Variants in ADAMTS19 observed in about 807,000 individuals in gnomAD.
The protein encoded by ADAMTS19 is A disintegrin and metalloproteinase with thrombospondin motifs 19.
ADAMTS19 carries 93 observed loss-of-function variants against 153.3 expected under a neutral mutation model. The observed-to-expected ratio is 0.61, with a 90% confidence interval of 0.51 to 0.72. The LOEUF (loss-of-function observed/expected upper bound fraction) is 0.72, where lower values mean the gene tolerates loss of function less well. Ranked by LOEUF, ADAMTS19 falls within the 30% of genes least tolerant of loss-of-function variation. ADAMTS19 has a pLI of 0.00. For synonymous variants in ADAMTS19, 600 were observed against 556.6 expected (o/e 1.08, Z -1.10); for missense variants, 1,482 against 1,552.1 (o/e 0.95, Z 0.76).
intron 2 of ADAMTS19, among the ~76,000 whole-genome samples, chr5:129,506,384 C>T (rs1165533163): frequency 6.6e-6 from 1 of 151,890 alleles, no homozygotes; most frequent in African/African-American, 2.4e-5. Flanking sequence ...ATTATTCCAA[C>T]TTGTTTTTTC....
intron 21 of ADAMTS19, among the ~76,000 whole-genome samples, chr5:129,719,436 T>G: frequency 6.6e-6 from 1 of 152,210 alleles, no homozygotes. Context: ...AAACAGTACT[T>G]ATATGACTTT....
chr5:129,700,233 G>A (rs1355997250), intron 19 of ADAMTS19, among the ~76,000 whole-genome samples: 1 of 152,172 alleles, frequency 6.6e-6, no homozygotes, highest in Non-Finnish European at 1.5e-5. Context: ...AAATACGTAT[G>A]TATTAGCTGC....
chr5:129,627,951 GTAT>G (rs1752126809), intron 10 of ADAMTS19, among the ~76,000 whole-genome samples: 1 of 151,968 alleles, frequency 6.6e-6, no homozygotes, highest in Admixed American at 6.6e-5. Flanking sequence ...CCATTACTGA[GTAT>G]ATACCCAAAG....
chr5:129,503,759 C>T (rs1581014946), intron 2 of ADAMTS19, among the ~76,000 whole-genome samples: 1 of 151,812 alleles, frequency 6.6e-6, no homozygotes, highest in Non-Finnish European at 1.5e-5. Context: ...ACCCAGGAGG[C>T]GGAGGTTCCA....
intron 2 of ADAMTS19, among the ~76,000 whole-genome samples, chr5:129,487,554 C>T (rs1162766586): frequency 2.0e-5 from 3 of 151,910 alleles, no homozygotes; most frequent in African/African-American, 7.3e-5. Flanking sequence ...ATATAATCCA[C>T]TTGTAAATAT....
chr5:129,611,013 T>C (rs1193752146), intron 8 of ADAMTS19, among the ~76,000 whole-genome samples: 2 of 152,156 alleles, frequency 1.3e-5, no homozygotes, highest in Non-Finnish European at 2.9e-5. Context: ...CTCATTGTGG[T>C]TTTGATTTGC....
rs1751579515 is a variant in ADAMTS19, at chr5:129,515,688, G to A, written c.913+6446G>A. ...TTATCTGTTTTAATAGTTTTCTTGTGGAGTCATTAGGTTTTTCCAAATATA... is the reference window on the plus strand; with the variant it reads ...TTATCTGTTTTAATAGTTTTCTTGTAGAGTCATTAGGTTTTTCCAAATATA... On this transcript the variant is annotated intron_variant, in intron 3 of 22. Coordinates refer to ENST00000274487, the MANE Select transcript of ADAMTS19 (RefSeq NM_133638.6). Among the ~76,000 whole-genome samples the A allele has an allele frequency of 2.0e-5, 3 of 151,910 alleles. No homozygotes were observed. In the South Asian group the frequency reaches 6.2e-4, roughly 32 times the overall value.
At chr5:129,538,497 T>C (rs180722649) in intron 6 of ADAMTS19, among the ~76,000 whole-genome samples, 1 of 152,240 alleles carries the variant, frequency 6.6e-6, no homozygotes, top group East Asian at 1.9e-4. Context: ...ACCTTAAAAC[T>C]AGCATGTTGA....
At chr5:129,527,627 TTTTTTTA>T in intron 4 of ADAMTS19, 114 bp from the exon 5 acceptor site, 2 of 297,380 alleles carry the variant, frequency 6.7e-6, no homozygotes, top group Non-Finnish European at 6.3e-6. Context: ...TTTTTTTTTT[TTTTTTTA>T]AAAAAAAAAA....
At chr5:129,653,866 GT>G (rs1753423763) in intron 13 of ADAMTS19, among the ~76,000 whole-genome samples, 2 of 151,990 alleles carry the variant, frequency 1.3e-5, no homozygotes, top group South Asian at 4.2e-4. Flanking sequence ...AAATTTAGAA[GT>G]AAGACATCAA....
chr5:129,611,594 G>A (rs1289195561), intron 8 of ADAMTS19, among the ~76,000 whole-genome samples: 1 of 152,080 alleles, frequency 6.6e-6, no homozygotes, highest in Non-Finnish European at 1.5e-5. Flanking sequence ...AGATCAGATG[G>A]TTGTAGATGT....
At chr5:129,507,628 C>T (rs967032660) in intron 2 of ADAMTS19, among the ~76,000 whole-genome samples, 7 of 151,126 alleles carry the variant, frequency 4.6e-5, no homozygotes, top group Non-Finnish European at 8.9e-5. Flanking sequence ...TCTTAATTAT[C>T]CCTACCCCTG....
intron 7 of ADAMTS19, among the ~76,000 whole-genome samples, chr5:129,589,108 T>A (rs1203498558): frequency 2.0e-5 from 3 of 151,974 alleles, no homozygotes; most frequent in Admixed American, 6.6e-5. Context: ...AGTTTAGATT[T>A]GTTCATGTTT....
intron 16 of ADAMTS19, 44 bp from the exon 17 acceptor site, chr5:129,679,720 A>T: frequency 6.9e-7 from 1 of 1,452,126 alleles, no homozygotes; most frequent in Non-Finnish European, 9.3e-7. Context: ...TGATCAATGA[A>T]GCTGACTTGT....
intron 7 of ADAMTS19, among the ~76,000 whole-genome samples, chr5:129,580,624 TGAGA>T (rs1237652190): frequency 1.3e-5 from 2 of 152,216 alleles, no homozygotes; most frequent in Non-Finnish European, 2.9e-5. Context: ...CCTAGTTTAT[TGAGA>T]ATTTTCAGCA....
At position 129,495,289 on chromosome 5, in the gene ADAMTS19, A is replaced by G. The variant is rs540361225; in HGVS notation, c.748-13788A>G. ...CTTATTTCAACGCATTCTTCATTCCAGAGACATTTTTCATTCAACATTCAT... is the reference window on the plus strand; with the variant it reads ...CTTATTTCAACGCATTCTTCATTCCGGAGACATTTTTCATTCAACATTCAT... On this transcript the variant is annotated intron_variant, in intron 2 of 22. Transcript: ENST00000274487. 3.5e-4 allele frequency among the ~76,000 whole-genome samples: 53 copies of G among 152,194 alleles called. 1 individual carries two copies. The South Asian group carries it at 0.011, about 32-fold the overall frequency.
At chr5:129,658,884 A>C in intron 15 of ADAMTS19, 147 bp downstream of exon 15, 1 of 918,752 alleles carries the variant, frequency 1.1e-6, no homozygotes, top group South Asian at 2.3e-5. Context: ...GACATACAAT[A>C]CATGTGATAT....
At chr5:129,572,288 A>G (rs899855238) in intron 7 of ADAMTS19, among the ~76,000 whole-genome samples, 6 of 151,986 alleles carry the variant, frequency 3.9e-5, no homozygotes, top group Non-Finnish European at 8.8e-5. Context: ...ACATTAAGAA[A>G]TCAAACAACT....
rs758974159 is a variant in ADAMTS19 at position 129,596,665 on chromosome 5, G to A, written c.1478+1G>A. Reference sequence around the variant, plus strand: ...CAATTGCTCATGAAATGGGTCACAAGTAAGTAAAAATCATGGCTATGTTAA... The same window carrying A: ...CAATTGCTCATGAAATGGGTCACAAATAAGTAAAAATCATGGCTATGTTAA... On this transcript the variant is annotated splice_donor_variant, in intron 8 of 22. Coordinates refer to ENST00000274487, the MANE Select transcript of ADAMTS19 (RefSeq NM_133638.6). LOFTEE classifies it high-confidence loss of function. 1 of 1,594,104 alleles carries A rather than the reference G, an allele frequency of 6.3e-7. No individual in the cohort carries two copies. Among genetic ancestry groups the A allele is most frequent in the Admixed American group, 1.7e-5 (1 of 57,860 alleles).
Sources: allele counts gnomAD v4.1 joint callset (sites outside exome capture counted in the v4.1 genomes callset), GRCh38; gene constraint gnomAD v4.1.1; transcripts MANE v1.5; gene names NCBI Gene and HGNC (gene_info 2026-07-23, HGNC 2026-07-21).